Variants in AGBL4 observed in about 807,000 individuals in gnomAD.
The protein encoded by AGBL4 is AGBL carboxypeptidase 4, also known as cytosolic carboxypeptidase 6.
AGBL4 carries 58 observed loss-of-function variants against 66.4 expected under a neutral mutation model. The observed-to-expected ratio is 0.87, with a 90% CI of 0.71 to 1.09. The LOEUF is 1.09. Ranked by LOEUF, AGBL4 falls within the 50% of genes least tolerant of loss-of-function variation. AGBL4 has a pLI of 0.00. For missense variants in AGBL4, 579 were observed against 631.0 expected, an observed-to-expected ratio of 0.92 and a Z score of 0.88; for synonymous variants, 234 against 222.9, an observed-to-expected ratio of 1.05 and a Z score of -0.44.
intron 2 of AGBL4, among the ~76,000 whole-genome samples, chr1:49,734,815 A>C (rs956727259): frequency 6.6e-5 from 8 of 121,078 alleles, no homozygotes; most frequent in Non-Finnish European, 1.7e-4. Flanking sequence ...ATAGCAAAAA[A>C]TTTTAAAAAT....
chr1:48,984,964 G>A (rs1016760283), intron 5 of AGBL4, among the ~76,000 whole-genome samples: 1 of 152,078 alleles, frequency 6.6e-6, no homozygotes, highest in Non-Finnish European at 1.5e-5. Context: ...GGTAACTGGA[G>A]TTTCCAGCAA....
chr1:49,167,369 C>G (rs1464947878), intron 4 of AGBL4, among the ~76,000 whole-genome samples: 1 of 152,186 alleles, frequency 6.6e-6, no homozygotes, highest in African/African-American at 2.4e-5. Context: ...TTCTACTTCT[C>G]TATCTGACAG....
chr1:49,838,880 G>T (rs1313528572), intron 2 of AGBL4, among the ~76,000 whole-genome samples: 1 of 152,110 alleles, frequency 6.6e-6, no homozygotes. Flanking sequence ...ATAAGATGAT[G>T]TGTCTCCTTT....
chr1:49,767,650 T>C lies in AGBL4; in HGVS notation c.158-70213A>G, dbSNP rs368317597. Reference sequence around the variant, plus strand: ...AAGACCCCAAAATCTATACAAATGATCAACAAAACCAAAAGCTGTTTCTTT... The same window carrying C: ...AAGACCCCAAAATCTATACAAATGACCAACAAAACCAAAAGCTGTTTCTTT... On this transcript the variant is annotated intron_variant, in intron 2 of 13. Transcript: ENST00000371839. Among the ~76,000 whole-genome samples the C allele has an allele frequency of 1.1e-4, 16 of 151,420 alleles. No individual in the cohort carries two copies. The East Asian group carries it at 3.1e-3, about 30-fold the overall frequency.
At chr1:49,827,966 AAAGAGT>A (rs1251539115) in intron 2 of AGBL4, among the ~76,000 whole-genome samples, 1 of 152,226 alleles carries the variant, frequency 6.6e-6, no homozygotes, top group Non-Finnish European at 1.5e-5. Flanking sequence ...AATGTCTAAC[AAAGAGT>A]AAGTACTCAA....
At chr1:48,697,763 T>C (rs563496129) in intron 6 of AGBL4, among the ~76,000 whole-genome samples, 46 of 152,292 alleles carry the variant, frequency 3.0e-4, no homozygotes, top group African/African-American at 1.1e-3. Context: ...ACAGAAAGAA[T>C]GGTGACAGAA....
At chr1:49,863,810 C>G (rs1318023295) in intron 1 of AGBL4, among the ~76,000 whole-genome samples, 1 of 152,128 alleles carries the variant, frequency 6.6e-6, no homozygotes, top group Admixed American at 6.5e-5. Flanking sequence ...GAAAAGGGAA[C>G]CCTTGTATAC....
At chr1:49,830,884 T>C (rs1571662564) in intron 2 of AGBL4, among the ~76,000 whole-genome samples, 1 of 152,190 alleles carries the variant, frequency 6.6e-6, no homozygotes, top group East Asian at 1.9e-4. Context: ...CCATTGCTTG[T>C]TTTTCTCAGG....
chr1:48,560,338 C>T (rs1222200126), intron 11 of AGBL4, among the ~76,000 whole-genome samples: 2 of 152,078 alleles, frequency 1.3e-5, no homozygotes, highest in East Asian at 1.9e-4. Context: ...TCTTTCAATA[C>T]CCCATGCCTT....
intron 3 of AGBL4, among the ~76,000 whole-genome samples, chr1:49,320,541 T>C (rs1645114743): frequency 6.6e-6 from 1 of 151,478 alleles, no homozygotes; most frequent in African/African-American, 2.4e-5. Flanking sequence ...ACTATGAAAA[T>C]GCGAGATCTC....
intron 1 of AGBL4, among the ~76,000 whole-genome samples, chr1:49,882,604 A>G (rs907324614): frequency 1.3e-5 from 2 of 152,142 alleles, no homozygotes; most frequent in African/African-American, 4.8e-5. Flanking sequence ...GGTCCTTCAC[A>G]TCCATTGTAA....
At chr1:49,485,277 AT>A (rs1224196620) in intron 3 of AGBL4, among the ~76,000 whole-genome samples, 1 of 152,000 alleles carries the variant, frequency 6.6e-6, no homozygotes, top group Non-Finnish European at 1.5e-5. Flanking sequence ...CTATGCAGCC[AT>A]AAAAAATGAT....
chr1:48,919,706 AC>A (rs1653922348), intron 5 of AGBL4, among the ~76,000 whole-genome samples: 1 of 152,172 alleles, frequency 6.6e-6, no homozygotes, highest in Non-Finnish European at 1.5e-5. Context: ...CATGGCTCTT[AC>A]CCACTAGATG....
At chr1:48,996,752 T>C (rs1270870680) in intron 5 of AGBL4, among the ~76,000 whole-genome samples, 1 of 152,056 alleles carries the variant, frequency 6.6e-6, no homozygotes, top group Non-Finnish European at 1.5e-5. Flanking sequence ...AAAATTTTGG[T>C]ATGAAGTAGA....
At chr1:48,882,911 T>A (rs1649932291) in intron 5 of AGBL4, among the ~76,000 whole-genome samples, 2 of 152,216 alleles carry the variant, frequency 1.3e-5, no homozygotes, top group South Asian at 2.1e-4. Flanking sequence ...ATTAATGTCC[T>A]TCAGGTTTAT....
intron 5 of AGBL4, among the ~76,000 whole-genome samples, chr1:48,952,468 G>C (rs1035046774): frequency 5.9e-5 from 9 of 152,220 alleles, no homozygotes; most frequent in African/African-American, 1.9e-4. Context: ...AGAATGGAGA[G>C]AAGCTAATCA....
chr1:49,772,537 G>T (rs545590831), intron 2 of AGBL4, among the ~76,000 whole-genome samples: 1 of 152,082 alleles, frequency 6.6e-6, no homozygotes, highest in African/African-American at 2.4e-5. Context: ...AGTATTTCTT[G>T]TAAGGCCAGT....
intron 3 of AGBL4, among the ~76,000 whole-genome samples, chr1:49,537,769 T>C (rs1651714955): frequency 6.6e-6 from 1 of 151,966 alleles, no homozygotes; most frequent in Admixed American, 6.6e-5. Flanking sequence ...CTAAAAAAAA[T>C]ACAAAACATT....
intron 1 of AGBL4, among the ~76,000 whole-genome samples, chr1:49,946,006 A>T (rs1257911330): frequency 6.6e-6 from 1 of 152,182 alleles, no homozygotes; most frequent in South Asian, 2.1e-4. Flanking sequence ...ACAGGAAAAT[A>T]TCACAATCCT....
Sources: allele counts gnomAD v4.1 joint callset (sites outside exome capture counted in the v4.1 genomes callset), GRCh38; gene constraint gnomAD v4.1.1; transcripts MANE v1.5; gene names NCBI Gene and HGNC (gene_info 2026-07-23, HGNC 2026-07-21).